Variants in POMP observed in about 807,000 individuals in gnomAD.
POMP encodes 2510048O06Rik.
In POMP, 12 loss-of-function variants were observed where a neutral mutation model predicts 20.6. That is an observed-to-expected ratio of 0.58 (90% CI 0.37 to 0.94). The LOEUF is 0.94. POMP is among the 40% of genes least tolerant of loss of function. The pLI, the probability that POMP is intolerant of heterozygous loss-of-function variation, is 0.01. For missense variants in POMP, 136 were observed against 161.1 expected (o/e 0.84, Z 0.84); for synonymous variants, 53 against 55.0 (o/e 0.96, Z 0.16).
At chr13:28,668,613 A>G (rs1421896763) in intron 4 of POMP, 39 bp downstream of exon 4, 1 of 1,423,978 alleles carries the variant, frequency 7.0e-7, no homozygotes, top group Admixed American at 1.7e-5. Context: ...TGTCGATATC[A>G]TTCATGAGGA....
Position 28,678,159 on chromosome 13 carries a change from T to G in POMP, c.*57T>G. 6.9e-7 allele frequency: 1 copy of G among 1,456,822 alleles called. No homozygotes were observed. The highest frequency in any genetic ancestry group is 1.7e-4 in the Middle Eastern group (1 of 5,768). The allele number at this position is 1,456,822 out of a possible 1,614,324, so 90.2% of individuals were successfully genotyped here. A position where few individuals can be genotyped will look rare whatever the true frequency, so the allele number is the denominator to read the frequency against. ...ATCTTGTTTATAGTCATCTTTGTAC[T>G]GTAATTTGATGTACACAACATTAAA... On this transcript the variant is annotated 3_prime_UTR_variant, in exon 6 of 6. Coordinates refer to ENST00000380842, the MANE Select transcript of POMP (RefSeq NM_015932.6).
chr13:28,659,156 CAG>C lies in POMP; in HGVS notation c.-24_-23del, dbSNP rs761573969. On this transcript the variant is annotated 5_prime_UTR_variant, in exon 1 of 6. Transcript: ENST00000380842. ...GCGGGGTCGACTGACGGTAACGGGG[CAG>C]AGAGGCTGTTCGCAGAGCTGCGGAA... 3.4e-5 allele frequency: 53 copies of C among 1,580,748 alleles called. No homozygotes were observed. Among genetic ancestry groups the C allele is most frequent in the Non-Finnish European group, 4.0e-5 (46 of 1,164,280 alleles).
rs189717180 is a variant in POMP at position 28,672,860 on chromosome 13, T to C, written c.358+428T>C. Among the ~76,000 whole-genome samples the C allele has an allele frequency of 3.5e-3, 532 of 152,316 alleles. 1 individual carries two copies. Among genetic ancestry groups the C allele is most frequent in the Middle Eastern group, 0.014 (4 of 294 alleles). On this transcript the variant is annotated intron_variant, in intron 5 of 5. Coordinates refer to ENST00000380842, the MANE Select transcript of POMP (RefSeq NM_015932.6). ...CTTCAAGTGTAATATGTCAGTCTGA[T>C]ATTCCTAGGGTGACTTAAACAATGA...
intron 3 of POMP, 86 bp from the exon 4 acceptor site, chr13:28,668,383 TCTAA>T: frequency 2.2e-6 from 2 of 900,016 alleles, no homozygotes; most frequent in South Asian, 2.8e-5. Flanking sequence ...AAATTCTTCA[TCTAA>T]CTATTGTGTT....
intron 2 of POMP, 49 bp from the exon 3 acceptor site, chr13:28,664,460 G>A (rs757010874): frequency 2.2e-5 from 27 of 1,254,248 alleles, no homozygotes; most frequent in Admixed American, 1.1e-4. Flanking sequence ...TCTGGGTATT[G>A]AGTGATATTT....
chr13:28,669,093 G>A (rs1624373), intron 4 of POMP, among the ~76,000 whole-genome samples: 6,766 of 151,842 alleles, frequency 0.045, 505 homozygotes, highest in African/African-American at 0.15. Flanking sequence ...CATTTGAACC[G>A]CTGTTGTCTT....
intron 2 of POMP, among the ~76,000 whole-genome samples, chr13:28,663,668 T>G (rs1458096547): frequency 1.3e-5 from 2 of 152,230 alleles, no homozygotes; most frequent in African/African-American, 4.8e-5. Flanking sequence ...AGTACAAATA[T>G]AATCCCTCAT....
intron 4 of POMP, among the ~76,000 whole-genome samples, chr13:28,670,228 A>G (rs1408690114): frequency 6.6e-6 from 1 of 152,196 alleles, no homozygotes; most frequent in Non-Finnish European, 1.5e-5. Flanking sequence ...TTTTACATGG[A>G]CAAGTACAGA....
At chr13:28,667,047 A>G (rs1044419802) in intron 3 of POMP, among the ~76,000 whole-genome samples, 2 of 152,206 alleles carry the variant, frequency 1.3e-5, no homozygotes, top group South Asian at 2.1e-4. Context: ...AGATACATAC[A>G]TAATGTCTTC....
Position 28,678,461 on chromosome 13 carries a change from A to T in POMP, c.*359A>T, listed in dbSNP as rs903600240. 17 of 238,998 alleles carry T rather than the reference A, an allele frequency of 7.1e-5. No homozygotes were observed. The highest frequency in any genetic ancestry group is 3.5e-4 in the African/African-American group (15 of 43,286). 14.8% of individuals were successfully genotyped at this position (238,998 alleles called of 1,614,324 possible). On this transcript the variant is annotated 3_prime_UTR_variant, in exon 6 of 6. Coordinates refer to ENST00000380842, the MANE Select transcript of POMP (RefSeq NM_015932.6). ...ATAAGCATTTGAGTCTATAAACTTT[A>T]TAGTAGCATCTTTCAGAATAAACAT...
chr13:28,674,343 G>A (rs750374053), intron 5 of POMP, among the ~76,000 whole-genome samples: 1 of 152,202 alleles, frequency 6.6e-6, no homozygotes, highest in Admixed American at 6.5e-5. Flanking sequence ...AGTGTGTTAC[G>A]TTAGAGGAGA....
In POMP at chr13:28,659,191, A is replaced by G. The variant is rs765684384; in HGVS notation, c.3+4A>G. 5 of 1,590,584 alleles carry G rather than the reference A, an allele frequency of 3.1e-6. No individual in the cohort carries two copies. Among genetic ancestry groups the G allele is most frequent in the Middle Eastern group, 1.7e-4 (1 of 5,974 alleles). ...GTTCGCAGAGCTGCGGAAGATGGTG[A>G]GTGGGTACCCGGGCGGCTGGAGTTC... On this transcript the variant is annotated splice_donor_region_variant and intron_variant, in intron 1 of 5. Coordinates refer to ENST00000380842, the MANE Select transcript of POMP (RefSeq NM_015932.6).
At chr13:28,661,381 G>A (rs1286454664) in intron 1 of POMP, among the ~76,000 whole-genome samples, 13 of 152,150 alleles carry the variant, frequency 8.5e-5, no homozygotes, top group Admixed American at 7.2e-4. Flanking sequence ...CAGGAGGATC[G>A]CTTGAACCTG....
At chr13:28,674,315 G>A (rs546911029) in intron 5 of POMP, among the ~76,000 whole-genome samples, 2 of 152,334 alleles carry the variant, frequency 1.3e-5, no homozygotes, top group East Asian at 3.9e-4. Context: ...AGAGGGTAAG[G>A]TGAAGCCTTG....
chr13:28,678,374 C>A lies in POMP; in HGVS notation c.*272C>A. ...TTGCTCATGAATATTATAAAATGAT[C>A]TACAGGTTTCAATTCAACCTGTTTC... On this transcript the variant is annotated 3_prime_UTR_variant, in exon 6 of 6. Transcript: ENST00000380842. 3 of 381,542 alleles carry A rather than the reference C, an allele frequency of 7.9e-6. No individual in the cohort carries two copies. In the South Asian group the frequency reaches 9.7e-5, roughly 12 times the overall value. 23.6% of individuals were successfully genotyped at this position (381,542 alleles called of 1,614,324 possible).
At chr13:28,663,971 C>CCT in intron 2 of POMP, among the ~76,000 whole-genome samples, 1 of 152,122 alleles carries the variant, frequency 6.6e-6, no homozygotes, top group Admixed American at 6.5e-5. Context: ...ATAAGGTAGT[C>CCT]ATCTTTATAT....
chr13:28,660,617 A>G (rs1884320694), intron 1 of POMP, among the ~76,000 whole-genome samples: 1 of 152,234 alleles, frequency 6.6e-6, no homozygotes, highest in South Asian at 2.1e-4. Flanking sequence ...TCCTTGGTGC[A>G]GATGAGTAAA....
At chr13:28,664,058 G>A (rs1212886460) in intron 2 of POMP, among the ~76,000 whole-genome samples, 4 of 152,122 alleles carry the variant, frequency 2.6e-5, no homozygotes. Context: ...TAGGTGTTCA[G>A]TAAATGTTAA....
chr13:28,659,572 G>C (rs747985069), intron 1 of POMP, among the ~76,000 whole-genome samples: 3 of 152,126 alleles, frequency 2.0e-5, no homozygotes, highest in Non-Finnish European at 2.9e-5. Flanking sequence ...ACCTCTGGGA[G>C]CCCAGAGCTC....
Sources: allele counts gnomAD v4.1 joint callset (sites outside exome capture counted in the v4.1 genomes callset), GRCh38; gene constraint gnomAD v4.1.1; transcripts MANE v1.5; gene names NCBI Gene and HGNC (gene_info 2026-07-23, HGNC 2026-07-21).